The following MEGF9 variants were observed in gnomAD, a reference collection of about 807,000 sequenced individuals.
MEGF9 encodes multiple EGF like domains 9, also known as multiple epidermal growth factor-like domains protein 9.
A neutral mutation model predicts 46.8 loss-of-function variants in MEGF9; 6 were observed. The ratio of observed to expected loss-of-function variants is 0.13; its 90% CI spans 0.07 to 0.25. MEGF9 has a LOEUF of 0.25. Ranked by LOEUF, MEGF9 falls within the 10% of genes least tolerant of loss-of-function variation. The pLI is 1.00. For missense variants in MEGF9, 683 were observed against 792.4 expected, an observed-to-expected ratio of 0.86 and a Z score of 1.66; for synonymous variants, 302 against 330.7, an observed-to-expected ratio of 0.91 and a Z score of 0.94.
chr9:120,659,216 T>C (rs1333378003), intron 2 of MEGF9, among the ~76,000 whole-genome samples, 158 bp downstream of exon 2: 1 of 152,184 alleles, frequency 6.6e-6, no homozygotes, highest in African/African-American at 2.4e-5. Flanking sequence ...ACATTAAATA[T>C]AACATATAAA....
chr9:120,681,931 C>A (rs897287658), intron 1 of MEGF9, among the ~76,000 whole-genome samples: 6 of 152,168 alleles, frequency 3.9e-5, no homozygotes, highest in Non-Finnish European at 1.5e-5. Flanking sequence ...TATAGCTCTG[C>A]AATCTCAAAT....
rs1318333557 is a variant in MEGF9 at position 120,604,922 on chromosome 9, T to C, written c.*268A>G. The C allele has an allele frequency of 6.8e-6, 3 of 438,216 alleles. No homozygotes were observed. The highest frequency in any genetic ancestry group is 4.1e-5 in the Admixed American group (1 of 24,654). The allele number at this position is 438,216 out of a possible 1,614,324, so 27.1% of individuals were successfully genotyped here. ...GTCAAAGTGGTTTTGGGCTGCACTA[T>C]GGGGTTCAGCCTTTCCATACTCCCA... On this transcript the variant is annotated 3_prime_UTR_variant, in exon 6 of 6. Coordinates refer to ENST00000373930, the MANE Select transcript of MEGF9 (RefSeq NM_001080497.3).
chr9:120,617,236 A>G (rs1442781020), intron 3 of MEGF9, among the ~76,000 whole-genome samples: 1 of 152,246 alleles, frequency 6.6e-6, no homozygotes, highest in Non-Finnish European at 1.5e-5. Context: ...AAATAGTCAA[A>G]GAAAGGAATG....
In MEGF9 at chr9:120,683,894, C is replaced by CA. The variant is rs555865636; in HGVS notation, c.602-24320dup. On this transcript the variant is annotated intron_variant, in intron 1 of 5. Coordinates refer to ENST00000373930, the MANE Select transcript of MEGF9 (RefSeq NM_001080497.3). ...GGACAACAGGAGTGAGACCCTGCTT[C>CA]AAAAAAAAACCCCAAAACAAACAAA... Among the ~76,000 whole-genome samples, 174 of 143,488 alleles carry CA rather than the reference C, an allele frequency of 1.2e-3. 4 individuals carry two copies. The East Asian group carries it at 0.028, about 23-fold the overall frequency. 94.1% of individuals were successfully genotyped at this position (143,488 alleles called of 152,430 possible).
At chr9:120,628,021 A>G (rs930634541) in intron 2 of MEGF9, among the ~76,000 whole-genome samples, 1 of 152,236 alleles carries the variant, frequency 6.6e-6, no homozygotes, top group African/African-American at 2.4e-5. Flanking sequence ...TAGTAATTAA[A>G]AGTCTGAAAT....
chr9:120,642,076 C>T (rs1289945343), intron 2 of MEGF9, among the ~76,000 whole-genome samples: 2 of 152,208 alleles, frequency 1.3e-5, no homozygotes, highest in South Asian at 2.1e-4. Context: ...TGCCTTTTAA[C>T]TTAAACCCAA....
At chr9:120,704,369 C>G (rs2043919212) in intron 1 of MEGF9, among the ~76,000 whole-genome samples, 1 of 152,100 alleles carries the variant, frequency 6.6e-6, no homozygotes, top group Admixed American at 6.6e-5. Flanking sequence ...CACATGAGCC[C>G]TCACAGTCAA....
chr9:120,712,030 G>A (rs2043956443), intron 1 of MEGF9, among the ~76,000 whole-genome samples: 1 of 152,300 alleles, frequency 6.6e-6, no homozygotes, highest in Non-Finnish European at 1.5e-5. Context: ...GCCGAGGCAG[G>A]AGGACTGCTT....
chr9:120,633,447 T>A (rs1486575527), intron 2 of MEGF9, among the ~76,000 whole-genome samples: 2 of 152,178 alleles, frequency 1.3e-5, no homozygotes, highest in African/African-American at 2.4e-5. Flanking sequence ...TAATGTCCTC[T>A]TTTTCATTTC....
chr9:120,714,448 G>A lies in MEGF9; in HGVS notation c.-90C>T, dbSNP rs1220903856. 19 of 1,106,400 alleles carry A rather than the reference G, an allele frequency of 1.7e-5. No homozygotes were observed. Among genetic ancestry groups the A allele is most frequent in the Non-Finnish European group, 2.1e-5 (18 of 876,548 alleles). The allele number at this position is 1,106,400 out of a possible 1,614,324, so 68.5% of individuals were successfully genotyped here. On this transcript the variant is annotated 5_prime_UTR_variant, in exon 1 of 6. Transcript: ENST00000373930. ...CAACCGCCGCCGCCACCGCCACCGG[G>A]CGCACCATCGCCACCTCCCTCTGAC...
chr9:120,654,711 T>C (rs2043668796), intron 2 of MEGF9, among the ~76,000 whole-genome samples: 1 of 152,202 alleles, frequency 6.6e-6, no homozygotes, highest in East Asian at 1.9e-4. Flanking sequence ...AGTTTCTTCA[T>C]GAGGTATCCC....
intron 2 of MEGF9, among the ~76,000 whole-genome samples, chr9:120,648,481 C>T (rs1017062634): frequency 6.6e-6 from 1 of 151,906 alleles, no homozygotes; most frequent in Non-Finnish European, 1.5e-5. Flanking sequence ...TTTCTTTATA[C>T]AAATTTCTAC....
Position 120,659,788 on chromosome 9 carries a change from A to AGTGTGTGTGT in MEGF9, c.602-223_602-214dup, listed in dbSNP as rs67080202. On this transcript the variant is annotated intron_variant, in intron 1 of 5. Transcript: ENST00000373930. ...ATAAATTATGTAGTGTGTGTGTGAC[A>AGTGTGTGTGT]GTGTGTGTGTGTGTGTGTGTGTGTG... Among the ~76,000 whole-genome samples, 830 of 143,116 alleles carry AGTGTGTGTGT rather than the reference A, an allele frequency of 5.8e-3. 5 individuals carry two copies. Among genetic ancestry groups the AGTGTGTGTGT allele is most frequent in the African/African-American group, 0.02 (787 of 38,432 alleles). 93.9% of individuals were successfully genotyped at this position (143,116 alleles called of 152,430 possible). A position where few individuals can be genotyped will look rare whatever the true frequency, so the allele number is the denominator to read the frequency against.
intron 4 of MEGF9, among the ~76,000 whole-genome samples, chr9:120,611,861 A>AG (rs1554794248): frequency 2.2e-4 from 27 of 121,344 alleles, no homozygotes; most frequent in African/African-American, 5.9e-4. Context: ...GGAAGGAAGG[A>AG]AGAAAGAGAG....
At chr9:120,645,838 T>C (rs1231603062) in intron 2 of MEGF9, among the ~76,000 whole-genome samples, 2 of 152,138 alleles carry the variant, frequency 1.3e-5, no homozygotes, top group African/African-American at 4.8e-5. Flanking sequence ...GCAGAAAGAA[T>C]GTGGATATGG....
chr9:120,630,989 G>A (rs1275309358), intron 2 of MEGF9, among the ~76,000 whole-genome samples: 2 of 152,116 alleles, frequency 1.3e-5, no homozygotes, highest in Non-Finnish European at 2.9e-5. Context: ...AACTGGATCC[G>A]ATCCCATTTG....
intron 3 of MEGF9, among the ~76,000 whole-genome samples, chr9:120,618,466 A>G (rs756267751): frequency 4.6e-5 from 7 of 152,240 alleles, no homozygotes; most frequent in Non-Finnish European, 1.0e-4. Context: ...CAAAGGAAGT[A>G]TATTATATGA....
At chr9:120,695,770 T>C (rs1037923247) in intron 1 of MEGF9, among the ~76,000 whole-genome samples, 1 of 152,148 alleles carries the variant, frequency 6.6e-6, no homozygotes, top group Non-Finnish European at 1.5e-5. Flanking sequence ...CCTAGTATCA[T>C]AGTATAATTT....
intron 1 of MEGF9, among the ~76,000 whole-genome samples, chr9:120,670,208 T>C (rs2043742452): frequency 1.3e-5 from 2 of 152,196 alleles, no homozygotes; most frequent in Admixed American, 1.3e-4. Context: ...GCGATTCTCC[T>C]GTCTCAGCCT....
Sources: allele counts gnomAD v4.1 joint callset (sites outside exome capture counted in the v4.1 genomes callset), GRCh38; gene constraint gnomAD v4.1.1; transcripts MANE v1.5; gene names NCBI Gene and HGNC (gene_info 2026-07-23, HGNC 2026-07-21).